ZNF571: variants seen among roughly 807,000 people sequenced by gnomAD.
ZNF571 encodes the protein zinc finger protein 571.
In ZNF571, 4 loss-of-function variants were observed where a neutral mutation model predicts 7.7. That is an observed-to-expected ratio of 0.52 (90% CI 0.25 to 1.18). The LOEUF (loss-of-function observed/expected upper bound fraction) is 1.18, where lower values mean the gene tolerates loss of function less well. Ranked by LOEUF, ZNF571 falls within the 50% of genes most tolerant of loss-of-function variation. ZNF571 has a pLI of 0.14. For missense variants in ZNF571, 704 were observed against 726.9 expected (o/e 0.97, Z 0.36); for synonymous variants, 251 against 232.4 (o/e 1.08, Z -0.73).
chr19:37,583,344 A>C (rs2043542734), intron 3 of ZNF571: 1 of 152,290 alleles, frequency 6.6e-6, no homozygotes, highest in African/African-American at 2.4e-5. Context: ...CATTGTCCCC[A>C]AAAGAGATCA....
intron 3 of ZNF571, among the ~76,000 whole-genome samples, chr19:37,578,226 C>T (rs930212325): frequency 6.6e-6 from 1 of 152,166 alleles, no homozygotes; most frequent in African/African-American, 2.4e-5. Flanking sequence ...TGGGATAGCG[C>T]TGGTCTAGAA....
rs1166757431 is a variant in ZNF571 at position 37,566,076 on chromosome 19, C to A, written c.352G>T (p.Ala118Ser). The change falls in exon 4 of 4, where the codon GCC becomes TCC. Residue 118 changes from alanine (A) to serine (S), a missense_variant. Physicochemically the swap from Ala to Ser is moderately conservative, Grantham distance 99. Transcript: ENST00000451802. ...GAAGAGGTTGAATGACTTTCAGTGG[C>A]CTTTTCTTCACAGGTAATTTTGACA... ...MCVKITCEEK[A>S]TESHSTSSTF... The A allele has an allele frequency of 1.2e-6, 2 of 1,613,956 alleles. No homozygotes were observed. The highest frequency in any genetic ancestry group is 1.7e-5 in the Admixed American group (1 of 60,002).
chr19:37,585,148 C>A (rs549436258), intron 2 of ZNF571: 1 of 152,084 alleles, frequency 6.6e-6, no homozygotes, highest in Non-Finnish European at 1.5e-5. Context: ...TGGTACATTC[C>A]GGGAAATCCC....
At chr19:37,591,014 A>G (rs775388714) in intron 1 of ZNF571, among the ~76,000 whole-genome samples, 24 of 152,262 alleles carry the variant, frequency 1.6e-4, no homozygotes, top group Non-Finnish European at 3.4e-4. Flanking sequence ...AGATACAAGT[A>G]TAAAATCAAA....
At chr19:37,584,451 A>G (rs2043589845) in intron 2 of ZNF571, among the ~76,000 whole-genome samples, 1 of 152,218 alleles carries the variant, frequency 6.6e-6, no homozygotes, top group Admixed American at 6.5e-5. Context: ...AATTAATACA[A>G]GTTCTTGCTC....
At chr19:37,582,390 C>T (rs1360831448) in intron 3 of ZNF571, among the ~76,000 whole-genome samples, 1 of 152,200 alleles carries the variant, frequency 6.6e-6, no homozygotes, top group Non-Finnish European at 1.5e-5. Flanking sequence ...ACTGCATTCC[C>T]TCTTCCTAGG....
chr19:37,573,348 C>T (rs2043132387), intron 3 of ZNF571, among the ~76,000 whole-genome samples: 1 of 152,116 alleles, frequency 6.6e-6, no homozygotes, highest in Non-Finnish European at 1.5e-5. Flanking sequence ...ACACTCAACC[C>T]CAACCCTGAC....
intron 3 of ZNF571, among the ~76,000 whole-genome samples, chr19:37,567,209 TG>T (rs2042892136): frequency 6.6e-6 from 1 of 152,250 alleles, no homozygotes; most frequent in Non-Finnish European, 1.5e-5. Flanking sequence ...GACTATTGTC[TG>T]TCTGTCCCAT....
At chr19:37,570,570 T>C (rs1436851481) in intron 3 of ZNF571, among the ~76,000 whole-genome samples, 1 of 152,214 alleles carries the variant, frequency 6.6e-6, no homozygotes, top group Non-Finnish European at 1.5e-5. Context: ...TGTAGTCTCT[T>C]TGGAGCAACT....
In ZNF571 at chr19:37,564,964, T is replaced by C; in HGVS notation, c.1464A>G (p.Gln488=). Residue 488 remains glutamine (Q), a synonymous_variant, in exon 4 of 4, where the codon CAA becomes CAG. Coordinates refer to ENST00000451802, the MANE Select transcript of ZNF571 (RefSeq NM_016536.5). ...ECGKTFVRAT[Q]LTYHQRIHTG... ...TATGAATTCTTTGATGATATGTAAG[T>C]TGTGTAGCACGTACAAAGGTCTTCC... 1 of 1,613,782 alleles carries C rather than the reference T, an allele frequency of 6.2e-7. No individual in the cohort carries two copies. The highest frequency in any genetic ancestry group is 8.5e-7 in the Non-Finnish European group (1 of 1,179,866).
intron 2 of ZNF571, chr19:37,585,076 G>A (rs977022421): frequency 1.3e-5 from 2 of 151,728 alleles, no homozygotes; most frequent in African/African-American, 2.4e-5. Flanking sequence ...TATTTTCCAC[G>A]TTCCTAGGCT....
chr19:37,575,495 C>T (rs1013984422), intron 3 of ZNF571: 1 of 152,184 alleles, frequency 6.6e-6, no homozygotes, highest in African/African-American at 2.4e-5. Flanking sequence ...TGACAACAAG[C>T]TTATTACCGC....
chr19:37,578,272 TCA>T (rs1346303932), intron 3 of ZNF571, among the ~76,000 whole-genome samples: 1 of 152,092 alleles, frequency 6.6e-6, no homozygotes, highest in Non-Finnish European at 1.5e-5. Context: ...GCCAGGGAAC[TCA>T]CAGAGAACAG....
At chr19:37,582,881 T>C (rs890317874) in intron 3 of ZNF571, among the ~76,000 whole-genome samples, 1 of 152,228 alleles carries the variant, frequency 6.6e-6, no homozygotes, top group African/African-American at 2.4e-5. Context: ...ATCCTCACTG[T>C]TCACATAGCA....
intron 3 of ZNF571, among the ~76,000 whole-genome samples, chr19:37,578,357 TGA>T (rs2043319066): frequency 2.0e-5 from 3 of 152,056 alleles, no homozygotes; most frequent in South Asian, 4.2e-4. Context: ...GGTGAAACGG[TGA>T]GAGAGTGAGA....
At position 37,566,830 on chromosome 19, in the gene ZNF571, C is replaced by T. The variant is rs548758558; in HGVS notation, c.137-539G>A. Among the ~76,000 whole-genome samples, 20 of 152,308 alleles carry T rather than the reference C, an allele frequency of 1.3e-4. No individual in the cohort carries two copies. The East Asian group carries it at 1.7e-3, about 13-fold the overall frequency. On this transcript the variant is annotated intron_variant, in intron 3 of 3. Transcript: ENST00000451802. The stretch of plus-strand genomic sequence containing the variant: ...TAACATGATTTCCCCTGCTAAAAAT[C>T]TTCCCTATTAATGGTCTGCCATCTC...
rs1316676642 is a variant in ZNF571, at chr19:37,566,290, G to A, written c.138C>T (p.Asp46=). 1 of 1,595,160 alleles carries A rather than the reference G, an allele frequency of 6.3e-7. No individual in the cohort carries two copies. The highest frequency in any genetic ancestry group is 1.8e-5 in the Admixed American group (1 of 56,432). Residue 46 remains aspartate, a splice_region_variant and synonymous_variant, in exon 4 of 4, where the codon GAC becomes GAT. Coordinates refer to ENST00000451802, the MANE Select transcript of ZNF571 (RefSeq NM_016536.5). The part of the protein sequence containing the change: ...LENYSNLISL[D]LESSCVTKKL... ...TTTTGGTCACACAACTGGATTCCAA[G>A]TCTGTAGAATAAAAAGAAAGCAAAT...
intron 3 of ZNF571, chr19:37,575,410 T>A (rs2043209837): frequency 6.6e-6 from 1 of 152,238 alleles, no homozygotes; most frequent in Admixed American, 6.5e-5. Flanking sequence ...TACTGTTCAA[T>A]ACATTAAATC....
At chr19:37,586,163 T>C (rs2043667051) in intron 2 of ZNF571, 2 of 153,068 alleles carry the variant, frequency 1.3e-5, no homozygotes, top group Admixed American at 1.3e-4. Flanking sequence ...CAGGAAACTA[T>C]ATCAGCAACA....
Sources: gnomAD v4.1 joint callset for allele counts (sites outside exome capture counted in the v4.1 genomes callset) on GRCh38, gnomAD v4.1.1 for gene constraint, MANE v1.5 for transcripts, NCBI Gene and HGNC (gene_info 2026-07-23, HGNC 2026-07-21) for gene names.